YBX3: variants seen among roughly 807,000 people sequenced by gnomAD.
The protein encoded by YBX3 is Y-box-binding protein 3.
In YBX3, 29 loss-of-function variants were observed where a neutral mutation model predicts 42.4. That is an observed-to-expected ratio of 0.68 (90% confidence interval 0.51 to 0.93). The LOEUF (loss-of-function observed/expected upper bound fraction) is 0.93. Among genes scored for constraint, YBX3 ranks in the 40% least tolerant of loss-of-function variants. The pLI is 0.00. For missense variants in YBX3, 517 were observed against 527.5 expected (o/e 0.98, Z 0.19); for synonymous variants, 195 against 189.8 (o/e 1.03, Z -0.22).
intron 3 of YBX3, among the ~76,000 whole-genome samples, chr12:10,716,979 C>T (rs1948270315): frequency 6.6e-6 from 1 of 152,170 alleles, no homozygotes; most frequent in African/African-American, 2.4e-5. Context: ...TTCTGAGGAC[C>T]TTGACTCTAG....
At chr12:10,705,250 C>T (rs1227631726) in intron 6 of YBX3, among the ~76,000 whole-genome samples, 1 of 152,114 alleles carries the variant, frequency 6.6e-6, no homozygotes, top group Non-Finnish European at 1.5e-5. Flanking sequence ...TGTGCCACCA[C>T]TCCCAGCTAA....
chr12:10,722,096 C>G (rs558735496), intron 1 of YBX3: 3 of 152,434 alleles, frequency 2.0e-5, no homozygotes, highest in African/African-American at 7.2e-5. Flanking sequence ...TTTTCAGCTG[C>G]TACACCACGT....
chr12:10,704,344 T>C, intron 6 of YBX3, 196 bp from the exon 7 acceptor site: 1 of 497,232 alleles, frequency 2.0e-6, no homozygotes, highest in Non-Finnish European at 3.6e-6. Context: ...AAACCTAGTC[T>C]GACTAGAATA....
At chr12:10,712,204 A>G (rs1948208104) in intron 5 of YBX3, 2 of 152,218 alleles carry the variant, frequency 1.3e-5, no homozygotes, top group African/African-American at 4.8e-5. Context: ...TTTTCTTTGG[A>G]TGAGACAGGC....
At chr12:10,701,129 A>T (rs975749618) in intron 9 of YBX3, 125 bp downstream of exon 9, 1 of 612,436 alleles carries the variant, frequency 1.6e-6, no homozygotes. Context: ...CAGAGTCCCA[A>T]TAGAGACAAG....
intron 6 of YBX3, among the ~76,000 whole-genome samples, chr12:10,706,576 T>C (rs1447345707): frequency 6.6e-6 from 1 of 152,248 alleles, no homozygotes; most frequent in East Asian, 1.9e-4. Context: ...GGCTGCTCCT[T>C]CTCACTGTCC....
intron 6 of YBX3, among the ~76,000 whole-genome samples, chr12:10,705,111 T>C (rs1016110477): frequency 9.9e-5 from 15 of 152,206 alleles, no homozygotes; most frequent in African/African-American, 3.1e-4. Context: ...ATTTATTTAT[T>C]TGAGATGGAG....
intron 5 of YBX3, chr12:10,711,749 T>C (rs996290414): frequency 6.6e-5 from 10 of 152,242 alleles, no homozygotes; most frequent in Non-Finnish European, 1.3e-4. Context: ...CAATTTTGTT[T>C]CTTAAGCGTT....
chr12:10,708,446 A>C (rs1435712291), intron 6 of YBX3, among the ~76,000 whole-genome samples: 1 of 152,200 alleles, frequency 6.6e-6, no homozygotes, highest in Non-Finnish European at 1.5e-5. Flanking sequence ...TTTTTAAGAG[A>C]ACACACTGAC....
intron 2 of YBX3, among the ~76,000 whole-genome samples, chr12:10,718,824 T>C (rs150508551): frequency 1.3e-5 from 2 of 152,192 alleles, no homozygotes; most frequent in Admixed American, 6.5e-5. Context: ...CCTAAGGCCC[T>C]TCCCATTTCT....
At chr12:10,704,225 AT>A in intron 6 of YBX3, 77 bp from the exon 7 acceptor site, 96 of 1,266,380 alleles carry the variant, frequency 7.6e-5, no homozygotes, top group Middle Eastern at 1.9e-4. Flanking sequence ...TATGTTCAGA[AT>A]TTTTTTTAGA....
intron 9 of YBX3, among the ~76,000 whole-genome samples, chr12:10,700,561 A>T (rs1339646026): frequency 1.3e-5 from 2 of 152,250 alleles, no homozygotes; most frequent in African/African-American, 4.8e-5. Flanking sequence ...AGAAAAAAGT[A>T]GAAAATGACA....
chr12:10,716,848 C>A (rs1054911780), intron 3 of YBX3, among the ~76,000 whole-genome samples: 31 of 152,232 alleles, frequency 2.0e-4, no homozygotes, highest in African/African-American at 7.5e-4. Context: ...GGCTCGCTCC[C>A]TTTTTCCTGT....
At chr12:10,704,279 G>A in intron 6 of YBX3, 131 bp from the exon 7 acceptor site, 1 of 632,730 alleles carries the variant, frequency 1.6e-6, no homozygotes, top group Non-Finnish European at 2.7e-6. Flanking sequence ...GGCACTCTCA[G>A]TTGCAACACA....
rs568401519 is a variant in YBX3 at position 10,713,984 on chromosome 12, A to G, written c.451-651T>C. 2.8e-3 allele frequency among the ~76,000 whole-genome samples: 421 copies of G among 152,356 alleles called. 3 individuals carry two copies. The highest frequency in any genetic ancestry group is 0.01 in the South Asian group (50 of 4,832). ...AAAATGTAGACCAAGAAGATTTCAG[A>G]GAGTGTATTTCACACCCTACATCAC... On this transcript the variant is annotated intron_variant, in intron 4 of 9. Coordinates refer to ENST00000228251, the MANE Select transcript of YBX3 (RefSeq NM_003651.5).
At chr12:10,716,909 G>A (rs1057145931) in intron 3 of YBX3, among the ~76,000 whole-genome samples, 3 of 152,076 alleles carry the variant, frequency 2.0e-5, no homozygotes, top group African/African-American at 4.8e-5. Flanking sequence ...ACAACCTCAC[G>A]GGGGCTGGAA....
chr12:10,711,929 T>C (rs1202082304), intron 5 of YBX3: 1 of 152,228 alleles, frequency 6.6e-6, no homozygotes, highest in Non-Finnish European at 1.5e-5. Context: ...GTGACTCTGA[T>C]GAACTTCAAA....
chr12:10,703,928 G>A (rs548742620), intron 7 of YBX3, 123 bp downstream of exon 7: 17 of 869,684 alleles, frequency 2.0e-5, no homozygotes, highest in African/African-American at 3.3e-5. Flanking sequence ...ACTCTGGCAT[G>A]TAGTCAAAGC....
chr12:10,701,830 G>A (rs1591720876), intron 8 of YBX3, 130 bp downstream of exon 8: 1 of 1,078,296 alleles, frequency 9.3e-7, no homozygotes, highest in East Asian at 2.4e-5. Flanking sequence ...CTATATATAT[G>A]GATCTTGAGC....
Sources: allele counts gnomAD v4.1 joint callset (sites outside exome capture counted in the v4.1 genomes callset), GRCh38; gene constraint gnomAD v4.1.1; transcripts MANE v1.5; gene names NCBI Gene and HGNC (gene_info 2026-07-23, HGNC 2026-07-21).